Variants in TNFRSF10A observed in about 807,000 individuals in gnomAD.
The protein encoded by TNFRSF10A is TNF receptor superfamily member 10a, also known as tumor necrosis factor receptor superfamily member 10A.
TNFRSF10A carries 44 observed loss-of-function variants against 42.8 expected under a neutral mutation model. The observed-to-expected ratio is 1.03, with a 90% CI of 0.81 to 1.32. The LOEUF (loss-of-function observed/expected upper bound fraction) is 1.32, where lower values mean the gene tolerates loss of function less well. TNFRSF10A is among the 40% of genes most tolerant of loss of function. The pLI, the probability that TNFRSF10A is intolerant of heterozygous loss-of-function variation, is 0.00. For synonymous variants in TNFRSF10A, 259 were observed against 234.2 expected (o/e 1.11, Z -0.97); for missense variants, 680 against 602.0 (o/e 1.13, Z -1.36).
intron 2 of TNFRSF10A, among the ~76,000 whole-genome samples, chr8:23,203,444 A>G (rs1800964428): frequency 1.3e-5 from 2 of 152,206 alleles, no homozygotes; most frequent in African/African-American, 4.8e-5. Context: ...AAGAAGGCCT[A>G]CCTCATGCTG....
chr8:23,206,615 G>A (rs149755503), intron 2 of TNFRSF10A, among the ~76,000 whole-genome samples: 2,684 of 152,272 alleles, frequency 0.018, 62 homozygotes, highest in African/African-American at 0.061. Context: ...TATGATGTTT[G>A]CACAATGATG....
At chr8:23,193,254 G>GC (rs148196532) in intron 9 of TNFRSF10A, among the ~76,000 whole-genome samples, 2,309 of 152,230 alleles carry the variant, frequency 0.015, 55 homozygotes, top group African/African-American at 0.053. Context: ...TGGCTCTGCT[G>GC]CCATGGGCCA....
At chr8:23,214,139 A>G (rs1385189026) in intron 1 of TNFRSF10A, among the ~76,000 whole-genome samples, 2 of 152,042 alleles carry the variant, frequency 1.3e-5, no homozygotes, top group African/African-American at 4.8e-5. Context: ...CAGCCTCCCA[A>G]GACATTTTCT....
At chr8:23,200,812 G>T in intron 4 of TNFRSF10A, 52 bp from the exon 5 acceptor site, 1 of 1,556,606 alleles carries the variant, frequency 6.4e-7, no homozygotes, top group Non-Finnish European at 8.8e-7. Flanking sequence ...AAGCTGGCCA[G>T]GTGGGATGAA....
chr8:23,200,665 G>A, intron 5 of TNFRSF10A, 22 bp downstream of exon 5: 1 of 1,614,096 alleles, frequency 6.2e-7, no homozygotes, highest in Non-Finnish European at 8.5e-7. Flanking sequence ...TGCAGCTGGG[G>A]CTTCCCCAGT....
intron 7 of TNFRSF10A, 90 bp from the exon 8 acceptor site, chr8:23,199,538 C>G: frequency 6.8e-7 from 1 of 1,477,734 alleles, no homozygotes. Context: ...GCCACCACCC[C>G]CTCCCAGTGA....
chr8:23,209,525 A>G lies in TNFRSF10A; in HGVS notation c.403+2591T>C, dbSNP rs1263296963. Among the ~76,000 whole-genome samples the G allele has an allele frequency of 3.9e-5, 6 of 152,260 alleles. No individual in the cohort carries two copies. In the East Asian group the frequency reaches 1.2e-3, roughly 29 times the overall value. On this transcript the variant is annotated intron_variant, in intron 2 of 9. Coordinates refer to ENST00000221132, the MANE Select transcript of TNFRSF10A (RefSeq NM_003844.4). Reference sequence around the variant, plus strand: ...AATGCCACAGGGGCGGAGCTGCCCAAGACTATGGGAACCCGCCTCTTGCAT... The same window carrying G: ...AATGCCACAGGGGCGGAGCTGCCCAGGACTATGGGAACCCGCCTCTTGCAT...
At chr8:23,207,154 TGAA>T (rs1801026864) in intron 2 of TNFRSF10A, 5 of 594,862 alleles carry the variant, frequency 8.4e-6, no homozygotes, top group Middle Eastern at 5.1e-4. Context: ...GAGTATGCCA[TGAA>T]GAAGATAGAA....
chr8:23,197,658 A>G (rs1308437100), intron 8 of TNFRSF10A, among the ~76,000 whole-genome samples: 1 of 152,218 alleles, frequency 6.6e-6, no homozygotes. Flanking sequence ...AATAAAGTAC[A>G]CAATAAACGT....
At chr8:23,203,134 C>A (rs549284531) in intron 2 of TNFRSF10A, among the ~76,000 whole-genome samples, 1 of 152,060 alleles carries the variant, frequency 6.6e-6, no homozygotes, top group East Asian at 1.9e-4. Context: ...ACTAAGTGTT[C>A]GAAACCCAGA....
chr8:23,205,790 A>T (rs955638228), intron 2 of TNFRSF10A, among the ~76,000 whole-genome samples: 1 of 147,528 alleles, frequency 6.8e-6, no homozygotes, highest in Non-Finnish European at 1.5e-5. Flanking sequence ...AGCTCACTAC[A>T]ACCTCTGCCT....
intron 8 of TNFRSF10A, 51 bp from the exon 9 acceptor site, chr8:23,197,255 C>A: frequency 6.2e-7 from 1 of 1,607,902 alleles, no homozygotes; most frequent in Non-Finnish European, 8.5e-7. Flanking sequence ...GTCCTGCAGT[C>A]TAGTACTGAC....
intron 1 of TNFRSF10A, among the ~76,000 whole-genome samples, chr8:23,212,808 C>T (rs975657690): frequency 4.6e-5 from 7 of 152,186 alleles, no homozygotes; most frequent in Non-Finnish European, 2.9e-5. Context: ...CCAACAGCTA[C>T]CATCCTACTC....
At chr8:23,204,726 A>T (rs1448664821) in intron 2 of TNFRSF10A, among the ~76,000 whole-genome samples, 3 of 152,212 alleles carry the variant, frequency 2.0e-5, no homozygotes, top group Admixed American at 2.0e-4. Flanking sequence ...CAATGGAATA[A>T]AATTAGAAAT....
chr8:23,218,222 T>A (rs982574187), intron 1 of TNFRSF10A, among the ~76,000 whole-genome samples: 26 of 152,032 alleles, frequency 1.7e-4, no homozygotes, highest in African/African-American at 6.0e-4. Context: ...TTGTTCCAGG[T>A]CTTCTCCTCC....
chr8:23,213,041 T>C (rs1801112528), intron 1 of TNFRSF10A, among the ~76,000 whole-genome samples: 1 of 152,212 alleles, frequency 6.6e-6, no homozygotes, highest in Admixed American at 6.5e-5. Context: ...TTTTCTTTGC[T>C]GGGAAGTTTT....
At chr8:23,211,097 G>T (rs2128850132) in intron 2 of TNFRSF10A, among the ~76,000 whole-genome samples, 1 of 152,224 alleles carries the variant, frequency 6.6e-6, no homozygotes, top group Admixed American at 6.5e-5. Flanking sequence ...ATCCAGATTG[G>T]AAAAGAAAAG....
intron 1 of TNFRSF10A, among the ~76,000 whole-genome samples, chr8:23,218,253 C>A (rs1801212406): frequency 6.6e-6 from 1 of 152,054 alleles, no homozygotes; most frequent in African/African-American, 2.4e-5. Context: ...CTGACCCTGC[C>A]CTGCCTCTTC....
intron 4 of TNFRSF10A, 52 bp from the exon 5 acceptor site, chr8:23,200,812 G>A: frequency 6.4e-7 from 1 of 1,556,608 alleles, no homozygotes; most frequent in Non-Finnish European, 8.8e-7. Context: ...AAGCTGGCCA[G>A]GTGGGATGAA....
Sources: allele counts gnomAD v4.1 joint callset (sites outside exome capture counted in the v4.1 genomes callset), GRCh38; gene constraint gnomAD v4.1.1; transcripts MANE v1.5; gene names NCBI Gene and HGNC (gene_info 2026-07-23, HGNC 2026-07-21).